Variants in GPC6 observed in about 807,000 individuals in gnomAD.
The protein encoded by GPC6 is glypican-6.
A neutral mutation model predicts 55.2 loss-of-function variants in GPC6; 14 were observed. The ratio of observed to expected loss-of-function variants is 0.25; its 90% confidence interval spans 0.17 to 0.40. The LOEUF is 0.40. Ranked by LOEUF, GPC6 falls within the 10% of genes least tolerant of loss-of-function variation. The pLI is 1.00. For synonymous variants in GPC6, 278 were observed against 259.6 expected, an observed-to-expected ratio of 1.07 and a Z score of -0.68; for missense variants, 641 against 708.5, an observed-to-expected ratio of 0.90 and a Z score of 1.08.
At chr13:93,882,039 C>G (rs1875010466) in intron 3 of GPC6, among the ~76,000 whole-genome samples, 1 of 151,594 alleles carries the variant, frequency 6.6e-6, no homozygotes, top group Non-Finnish European at 1.5e-5. Context: ...ATTTTTTTTC[C>G]TTACTTTCTC....
At chr13:94,300,162 A>G (rs984558219) in intron 5 of GPC6, among the ~76,000 whole-genome samples, 1 of 152,184 alleles carries the variant, frequency 6.6e-6, no homozygotes, top group African/African-American at 2.4e-5. Flanking sequence ...CAGAATTTTT[A>G]AAAACCACAG....
At chr13:93,785,827 T>A (rs1432445832) in intron 2 of GPC6, among the ~76,000 whole-genome samples, 2 of 151,544 alleles carry the variant, frequency 1.3e-5, no homozygotes, top group Non-Finnish European at 2.9e-5. Flanking sequence ...CCAGGCAGAG[T>A]GGGGTTTGCC....
At chr13:94,160,099 C>T (rs1313710551) in intron 4 of GPC6, among the ~76,000 whole-genome samples, 1 of 152,072 alleles carries the variant, frequency 6.6e-6, no homozygotes, top group Non-Finnish European at 1.5e-5. Context: ...ATATTCCATA[C>T]GATAAGATAT....
intron 1 of GPC6, among the ~76,000 whole-genome samples, chr13:93,245,556 T>C (rs1469993620): frequency 6.6e-6 from 1 of 152,170 alleles, no homozygotes; most frequent in Non-Finnish European, 1.5e-5. Context: ...AGTCTGTAAT[T>C]TGCGTTTCTA....
chr13:93,272,492 GTATATA>G (rs61556173), intron 1 of GPC6, among the ~76,000 whole-genome samples: 4,596 of 137,168 alleles, frequency 0.034, 245 homozygotes, highest in African/African-American at 0.11. Context: ...TTGTCTGTGT[GTATATA>G]TATATATATA....
chr13:93,668,615 CG>C (rs1431747968), intron 2 of GPC6, among the ~76,000 whole-genome samples: 2 of 152,152 alleles, frequency 1.3e-5, no homozygotes, highest in East Asian at 3.9e-4. Flanking sequence ...GAAAGGAGAC[CG>C]CCATGTGAAT....
intron 2 of GPC6, among the ~76,000 whole-genome samples, chr13:93,660,412 G>T (rs545948099): frequency 6.6e-6 from 1 of 152,230 alleles, no homozygotes; most frequent in East Asian, 1.9e-4. Flanking sequence ...ACTTCTTGTT[G>T]AGTTGCAGTG....
At chr13:94,118,182 G>A (rs555381719) in intron 4 of GPC6, among the ~76,000 whole-genome samples, 2 of 152,130 alleles carry the variant, frequency 1.3e-5, no homozygotes, top group South Asian at 4.2e-4. Context: ...TCATAGGAGG[G>A]ACCCAGTGGG....
intron 2 of GPC6, among the ~76,000 whole-genome samples, chr13:93,747,076 T>C (rs1233815938): frequency 6.6e-6 from 1 of 152,208 alleles, no homozygotes; most frequent in Non-Finnish European, 1.5e-5. Context: ...GAAGAAGATA[T>C]TCATGAGCTT....
intron 3 of GPC6, among the ~76,000 whole-genome samples, chr13:93,947,873 T>C (rs958340206): frequency 6.6e-6 from 1 of 152,156 alleles, no homozygotes; most frequent in Non-Finnish European, 1.5e-5. Context: ...GCAGAAAATA[T>C]AGTCTGAGCA....
chr13:93,348,790 G>A (rs1215966404), intron 1 of GPC6, among the ~76,000 whole-genome samples: 4 of 152,108 alleles, frequency 2.6e-5, no homozygotes, highest in Non-Finnish European at 5.9e-5. Flanking sequence ...AGCAAAGAAA[G>A]CCCATACAAA....
At chr13:93,740,719 G>T (rs1884171658) in intron 2 of GPC6, among the ~76,000 whole-genome samples, 1 of 152,230 alleles carries the variant, frequency 6.6e-6, no homozygotes, top group Non-Finnish European at 1.5e-5. Flanking sequence ...TACATTAGAT[G>T]AATTTAATGC....
intron 2 of GPC6, among the ~76,000 whole-genome samples, chr13:93,565,972 A>G (rs928924863): frequency 6.6e-6 from 1 of 152,010 alleles, no homozygotes; most frequent in African/African-American, 2.4e-5. Context: ...TCTGGTCACT[A>G]TAGTTGCTTC....
intron 1 of GPC6, among the ~76,000 whole-genome samples, chr13:93,463,839 T>G (rs967885759): frequency 1.5e-4 from 23 of 152,074 alleles, no homozygotes; most frequent in African/African-American, 5.3e-4. Context: ...CGGCATTTGC[T>G]TGATTTATTT....
intron 1 of GPC6, among the ~76,000 whole-genome samples, chr13:93,340,330 G>A (rs1368581409): frequency 2.0e-5 from 3 of 152,036 alleles, no homozygotes; most frequent in Admixed American, 6.6e-5. Flanking sequence ...CACCGTGCCC[G>A]GCCCAAAAGT....
chr13:94,303,246 T>A (rs190229883), intron 5 of GPC6, among the ~76,000 whole-genome samples: 18 of 152,204 alleles, frequency 1.2e-4, no homozygotes, highest in African/African-American at 4.3e-4. Context: ...TGGGTTTATA[T>A]CCCGATCATT....
At chr13:93,394,166 C>T (rs1875757488) in intron 1 of GPC6, among the ~76,000 whole-genome samples, 1 of 152,070 alleles carries the variant, frequency 6.6e-6, no homozygotes, top group Admixed American at 6.5e-5. Context: ...TTTATTTCAC[C>T]AGAAAATATC....
chr13:93,741,120 T>A (rs1336212822), intron 2 of GPC6, among the ~76,000 whole-genome samples: 1 of 137,858 alleles, frequency 7.3e-6, no homozygotes, highest in Non-Finnish European at 1.6e-5. Context: ...CCAGAATCTT[T>A]TTTTTTTTTT....
chr13:94,167,000 A>C (rs2138923061), intron 4 of GPC6, among the ~76,000 whole-genome samples: 1 of 152,320 alleles, frequency 6.6e-6, no homozygotes, highest in South Asian at 2.1e-4. Flanking sequence ...ATAATCATCC[A>C]TTTGGAAGTT....
Sources: allele counts gnomAD v4.1 joint callset (sites outside exome capture counted in the v4.1 genomes callset), GRCh38; gene constraint gnomAD v4.1.1; transcripts MANE v1.5; gene names NCBI Gene and HGNC (gene_info 2026-07-23, HGNC 2026-07-21).